CRISP1: variants seen among roughly 807,000 people sequenced by gnomAD.
The protein encoded by CRISP1 is cysteine rich secretory protein 1, also known as cysteine-rich secretory protein 1.
Under a neutral mutation model 33.1 loss-of-function variants are expected in CRISP1, and 44 were observed. The observed-to-expected ratio is 1.33, with a 90% confidence interval of 1.05 to 1.71. The LOEUF (loss-of-function observed/expected upper bound fraction) is 1.71, where lower values mean the gene tolerates loss of function less well. Ranked by LOEUF, CRISP1 falls within the 40% of genes most tolerant of loss-of-function variation. The probability of loss-of-function intolerance (pLI) is 0.00; values close to 1 mark genes in which losing one functional copy is unlikely to be tolerated. For missense variants in CRISP1, 390 were observed against 301.2 expected (o/e 1.29, Z -2.18); for synonymous variants, 103 against 98.7 (o/e 1.04, Z -0.26).
rs1771183982 is a variant in CRISP1, at chr6:49,846,669, C to T, written c.287-1G>A. On this transcript the variant is annotated splice_acceptor_variant, in intron 4 of 7. Transcript: ENST00000335847. LOFTEE classifies it high-confidence loss of function. Reference sequence around the variant, plus strand: ...TGCATATTTTCTCCACAAAAGGTATCTGAAATGAGAAAACGGGCTGGGTCA... The same window carrying T: ...TGCATATTTTCTCCACAAAAGGTATTTGAAATGAGAAAACGGGCTGGGTCA... 2 of 1,612,712 alleles carry T rather than the reference C, an allele frequency of 1.2e-6. No individual in the cohort carries two copies. The highest frequency in any genetic ancestry group is 2.2e-5 in the South Asian group (2 of 90,922).
chr6:49,855,224 T>C (rs1771461727), intron 2 of CRISP1, among the ~76,000 whole-genome samples: 2 of 152,170 alleles, frequency 1.3e-5, no homozygotes, highest in Admixed American at 1.3e-4. Flanking sequence ...ACTATGTCTA[T>C]AGCCTCTCTC....
chr6:49,858,272 CTAGGATAT>C (rs1771548446), intron 1 of CRISP1, among the ~76,000 whole-genome samples: 1 of 152,112 alleles, frequency 6.6e-6, no homozygotes, highest in Non-Finnish European at 1.5e-5. Flanking sequence ...CTAGCTAACT[CTAGGATAT>C]TAATAAGTAT....
upstream of CRISP1, chr6:49,866,587 G>T (rs550590192): frequency 1.3e-5 from 2 of 152,186 alleles, no homozygotes; most frequent in South Asian, 4.1e-4. Flanking sequence ...GATTTACGGT[G>T]GACACCAGGC....
intron 7 of CRISP1, 152 bp from the exon 8 acceptor site, chr6:49,835,595 A>G (rs1314821599): frequency 1.4e-6 from 1 of 732,896 alleles, no homozygotes; most frequent in South Asian, 2.2e-5. Context: ...TCTGAATGCA[A>G]AACAGGTGAT....
chr6:49,836,629 G>A (rs13220694), intron 7 of CRISP1, among the ~76,000 whole-genome samples: 28,370 of 152,016 alleles, frequency 0.19, 3,447 homozygotes, highest in Non-Finnish European at 0.26. Context: ...GTGAGCCACC[G>A]CGCCCGGCCT....
chr6:49,849,575 T>A (rs559921580), intron 3 of CRISP1, among the ~76,000 whole-genome samples: 1 of 152,218 alleles, frequency 6.6e-6, no homozygotes, highest in Admixed American at 6.5e-5. Context: ...AGCATATACA[T>A]CCATTTAAAA....
intron 1 of CRISP1, among the ~76,000 whole-genome samples, chr6:49,858,629 T>G (rs573972207): frequency 6.6e-6 from 1 of 152,310 alleles, no homozygotes; most frequent in South Asian, 2.1e-4. Flanking sequence ...ATCTATTTCC[T>G]TTCCTTTCTT....
Position 49,840,779 on chromosome 6 carries a change from C to G in CRISP1, c.533+119G>C, listed in dbSNP as rs761057351. ...TGAAGGACATCTGGGTTATTTCCAG[C>G]TCTTGTCTATTATGAATAAAGTTGC... On this transcript the variant is annotated intron_variant, in intron 6 of 7. Coordinates refer to ENST00000335847, the MANE Select transcript of CRISP1 (RefSeq NM_001131.3). 2.0e-5 allele frequency: 14 copies of G among 691,862 alleles called. No individual in the cohort carries two copies. In the East Asian group the frequency reaches 3.8e-4, roughly 19 times the overall value. The allele number at this position is 691,862 out of a possible 1,614,324, so 42.9% of individuals were successfully genotyped here.
intron 5 of CRISP1, among the ~76,000 whole-genome samples, chr6:49,845,707 C>CAAAAAA (rs111269611): frequency 1.6e-4 from 23 of 145,470 alleles, no homozygotes; most frequent in Non-Finnish European, 2.9e-4. Flanking sequence ...TCACAATAGC[C>CAAAAAA]AAAAAAAAAA....
intron 1 of CRISP1, among the ~76,000 whole-genome samples, chr6:49,866,042 T>C (rs1434726699): frequency 6.6e-6 from 1 of 152,174 alleles, no homozygotes; most frequent in Non-Finnish European, 1.5e-5. Flanking sequence ...ACTACCTGTT[T>C]GACTATGGCC....
chr6:49,868,741 T>G (rs1348815841), upstream of CRISP1, among the ~76,000 whole-genome samples: 3 of 152,114 alleles, frequency 2.0e-5, no homozygotes, highest in Non-Finnish European at 4.4e-5. Flanking sequence ...TGTGTCTCAT[T>G]GCTTCTTCAT....
intron 2 of CRISP1, among the ~76,000 whole-genome samples, chr6:49,854,430 C>A (rs560822581): frequency 6.6e-6 from 1 of 152,160 alleles, no homozygotes; most frequent in African/African-American, 2.4e-5. Context: ...TGCAGTAGCA[C>A]GATCTTGGCT....
intron 5 of CRISP1, among the ~76,000 whole-genome samples, chr6:49,845,826 A>G (rs557232149): frequency 1.3e-5 from 2 of 152,346 alleles, no homozygotes; most frequent in Admixed American, 6.5e-5. Flanking sequence ...GACACATGCT[A>G]CAACATGGAT....
At chr6:49,869,303 T>C (rs753106877), upstream of CRISP1, among the ~76,000 whole-genome samples, 1 of 152,152 alleles carries the variant, frequency 6.6e-6, no homozygotes, top group Non-Finnish European at 1.5e-5. Flanking sequence ...GCTCTCCAGA[T>C]TGGCCTTTCC....
At chr6:49,860,271 C>G (rs1195048640) in intron 1 of CRISP1, among the ~76,000 whole-genome samples, 1 of 152,168 alleles carries the variant, frequency 6.6e-6, no homozygotes, top group East Asian at 1.9e-4. Flanking sequence ...CCAAACGAAC[C>G]TAACAGACAT....
intron 5 of CRISP1, among the ~76,000 whole-genome samples, chr6:49,843,574 T>C (rs1377206100): frequency 1.3e-5 from 2 of 152,186 alleles, no homozygotes; most frequent in African/African-American, 4.8e-5. Context: ...CTTTGTGAAT[T>C]CAATAAAATA....
At chr6:49,838,685 C>G (rs1354912451) in intron 6 of CRISP1, among the ~76,000 whole-genome samples, 160 bp from the exon 7 acceptor site, 1 of 152,064 alleles carries the variant, frequency 6.6e-6, no homozygotes, top group African/African-American at 2.4e-5. Flanking sequence ...AATCTTACAG[C>G]TATAATATTT....
upstream of CRISP1, among the ~76,000 whole-genome samples, chr6:49,870,139 A>T (rs1771889878): frequency 1.3e-5 from 2 of 152,208 alleles, no homozygotes; most frequent in African/African-American, 4.8e-5. Context: ...AGACAAATAA[A>T]TTGCACTGTC....
chr6:49,864,701 C>A (rs1300522868), intron 1 of CRISP1, among the ~76,000 whole-genome samples: 3 of 151,850 alleles, frequency 2.0e-5, no homozygotes, highest in Non-Finnish European at 4.4e-5. Context: ...CACTTTGATC[C>A]CATCTTTTCT....
Sources: allele counts gnomAD v4.1 joint callset (sites outside exome capture counted in the v4.1 genomes callset), GRCh38; gene constraint gnomAD v4.1.1; transcripts MANE v1.5; gene names NCBI Gene and HGNC (gene_info 2026-07-23, HGNC 2026-07-21).